VWA8: variants seen among roughly 807,000 people sequenced by gnomAD.
The protein encoded by VWA8 is von Willebrand factor A domain containing 8.
VWA8 carries 221 observed loss-of-function variants against 241.5 expected under a neutral mutation model. That is an observed-to-expected ratio of 0.91 (90% CI 0.82 to 1.02). The LOEUF (loss-of-function observed/expected upper bound fraction) is 1.02. Ranked by LOEUF, VWA8 falls within the 50% of genes least tolerant of loss-of-function variation. The pLI is 0.00. For synonymous variants in VWA8, 852 were observed against 827.1 expected, an observed-to-expected ratio of 1.03 and a Z score of -0.52; for missense variants, 2,322 against 2,328.7, an observed-to-expected ratio of 1.00 and a Z score of 0.06.
At chr13:41,852,001 C>G (rs553082088) in intron 12 of VWA8, among the ~76,000 whole-genome samples, 1 of 152,112 alleles carries the variant, frequency 6.6e-6, no homozygotes, top group African/African-American at 2.4e-5. Flanking sequence ...TTTGAGGACC[C>G]TCCATACTAT....
At chr13:41,834,155 G>A (rs1408096053) in intron 12 of VWA8, among the ~76,000 whole-genome samples, 2 of 152,164 alleles carry the variant, frequency 1.3e-5, no homozygotes, top group Non-Finnish European at 2.9e-5. Context: ...ATTTTTAAAA[G>A]CACACACACA....
chr13:41,727,097 A>C, intron 24 of VWA8, 97 bp downstream of exon 24: 1 of 942,290 alleles, frequency 1.1e-6, no homozygotes, highest in South Asian at 1.7e-5. Context: ...TGATGGTGGC[A>C]CAGCACATGA....
intron 41 of VWA8, among the ~76,000 whole-genome samples, chr13:41,588,960 A>G (rs966257656): frequency 6.6e-6 from 1 of 152,236 alleles, no homozygotes; most frequent in Non-Finnish European, 1.5e-5. Context: ...AGATGTATCC[A>G]AACACATTTG....
chr13:41,841,852 TATATATAA>T (rs200474968), intron 12 of VWA8, among the ~76,000 whole-genome samples: 1,537 of 67,040 alleles, frequency 0.023, 86 homozygotes, highest in Middle Eastern at 0.06. Context: ...TATATATATA[TATATATAA>T]AAACAGTAGA....
intron 37 of VWA8, 123 bp from the exon 38 acceptor site, chr13:41,615,207 T>C: frequency 1.1e-6 from 1 of 927,630 alleles, no homozygotes; most frequent in African/African-American, 1.7e-5. Flanking sequence ...GCCACTGGAC[T>C]TGATAAATGC....
intron 13 of VWA8, 99 bp from the exon 14 acceptor site, chr13:41,830,741 G>T: frequency 2.1e-6 from 2 of 971,500 alleles, no homozygotes; most frequent in Non-Finnish European, 3.0e-6. Flanking sequence ...ATTATTGCTG[G>T]CAATTGAGTC....
chr13:41,573,245 T>TAAAG (rs141959774), intron 43 of VWA8, among the ~76,000 whole-genome samples: 3,877 of 150,702 alleles, frequency 0.026, 113 homozygotes, highest in East Asian at 0.1. Context: ...CCATCTCTAC[T>TAAAG]AAAGATACAA....
chr13:41,675,169 A>AT (rs780582481), intron 36 of VWA8, 46 bp downstream of exon 36: 2 of 1,444,032 alleles, frequency 1.4e-6, no homozygotes, highest in Non-Finnish European at 1.9e-6. Flanking sequence ...GAATTTACTC[A>AT]TTTTTTATGA....
chr13:41,912,404 G>A (rs566829249), intron 2 of VWA8, among the ~76,000 whole-genome samples: 4 of 151,802 alleles, frequency 2.6e-5, no homozygotes, highest in Middle Eastern at 3.2e-3. Context: ...CATTATTGTC[G>A]ATGCTAAAAC....
intron 21 of VWA8, among the ~76,000 whole-genome samples, chr13:41,749,560 GTTTACTGC>G (rs2045637704): frequency 3.5e-5 from 5 of 142,634 alleles, no homozygotes; most frequent in African/African-American, 1.5e-4. Flanking sequence ...GCACACGTAT[GTTTACTGC>G]GGCACCACTC....
chr13:41,945,797 A>T (rs987749925), intron 2 of VWA8, among the ~76,000 whole-genome samples: 7 of 152,266 alleles, frequency 4.6e-5, no homozygotes, highest in African/African-American at 1.7e-4. Flanking sequence ...AATCTATCAA[A>T]TATAATGGGA....
intron 1 of VWA8, among the ~76,000 whole-genome samples, chr13:41,954,117 G>C (rs1324457568): frequency 1.3e-5 from 2 of 151,420 alleles, no homozygotes; most frequent in Non-Finnish European, 2.9e-5. Context: ...GCCATCTTCT[G>C]TTACTACACT....
intron 17 of VWA8, among the ~76,000 whole-genome samples, chr13:41,790,515 A>G (rs1043512351): frequency 3.3e-5 from 5 of 152,050 alleles, no homozygotes; most frequent in African/African-American, 1.2e-4. Context: ...AATATCAGAA[A>G]CAGTTAATCT....
At chr13:41,682,978 T>G (rs930099367) in intron 35 of VWA8, among the ~76,000 whole-genome samples, 1 of 152,162 alleles carries the variant, frequency 6.6e-6, no homozygotes, top group Non-Finnish European at 1.5e-5. Context: ...AGGGATGCAG[T>G]GCAACTGAAA....
chr13:41,953,921 A>T (rs565205366), intron 1 of VWA8, among the ~76,000 whole-genome samples: 1 of 152,356 alleles, frequency 6.6e-6, no homozygotes, highest in South Asian at 2.1e-4. Context: ...GAAAATCCCC[A>T]AACATTTGGA....
chr13:41,615,037 G>T lies in VWA8; in HGVS notation c.4659C>A (p.His1553Gln). The T allele has an allele frequency of 6.2e-7, 1 of 1,613,906 alleles. No homozygotes were observed. Among genetic ancestry groups the T allele is most frequent in the Non-Finnish European group, 8.5e-7 (1 of 1,179,952 alleles). The change falls in exon 38 of 45, where the codon CAC (histidine) becomes CAA (glutamine). Residue 1553 changes from histidine to glutamine, a missense_variant. Physicochemically the swap from His to Gln is conservative, Grantham distance 24 (BLOSUM62 0). Transcript: ENST00000379310. ...GCATGTTGTCTGGGTCCTCCTTCCC[G>T]TGTTTGGGGGAGCTTACATCTTCAC... ...DSGEDVSSPK[H>Q]GKEDPDNMPH...
chr13:41,582,822 T>C (rs1222506266), intron 42 of VWA8, among the ~76,000 whole-genome samples: 1 of 152,172 alleles, frequency 6.6e-6, no homozygotes, highest in Non-Finnish European at 1.5e-5. Flanking sequence ...ATTCCACTAA[T>C]AGTGGTTGTA....
At chr13:41,615,378 C>A (rs2044614637) in intron 37 of VWA8, among the ~76,000 whole-genome samples, 1 of 152,182 alleles carries the variant, frequency 6.6e-6, no homozygotes. Context: ...AGCATTTACA[C>A]ATGGCATGAG....
At chr13:41,633,646 T>C (rs1325400001) in intron 37 of VWA8, among the ~76,000 whole-genome samples, 1 of 152,206 alleles carries the variant, frequency 6.6e-6, no homozygotes, top group African/African-American at 2.4e-5. Context: ...TAAATATCGG[T>C]TGGTAAAGCT....
Sources: allele counts gnomAD v4.1 joint callset (sites outside exome capture counted in the v4.1 genomes callset), GRCh38; gene constraint gnomAD v4.1.1; transcripts MANE v1.5; gene names NCBI Gene and HGNC (gene_info 2026-07-23, HGNC 2026-07-21).